Variants in ATL3 observed in about 807,000 individuals in gnomAD.
The protein encoded by ATL3 is atlastin-3.
In ATL3, 49 loss-of-function variants were observed where a neutral mutation model predicts 69.5. The ratio of observed to expected loss-of-function variants is 0.71; its 90% confidence interval spans 0.56 to 0.89. The LOEUF (loss-of-function observed/expected upper bound fraction) is 0.89, where lower values mean the gene tolerates loss of function less well. Among genes scored for constraint, ATL3 ranks in the 40% least tolerant of loss-of-function variants. The pLI, the probability that ATL3 is intolerant of heterozygous loss-of-function variation, is 0.00. For synonymous variants in ATL3, 214 were observed against 224.1 expected, an observed-to-expected ratio of 0.95 and a Z score of 0.40; for missense variants, 606 against 645.7, an observed-to-expected ratio of 0.94 and a Z score of 0.67.
intron 3 of ATL3, among the ~76,000 whole-genome samples, chr11:63,654,732 C>T (rs1320361216): frequency 2.9e-5 from 4 of 136,862 alleles, no homozygotes; most frequent in East Asian, 4.3e-4. Context: ...GAGTTTTGCT[C>T]GTCACCCAGG....
At chr11:63,629,750 G>A (rs1179091906) in intron 12 of ATL3, among the ~76,000 whole-genome samples, 1 of 152,228 alleles carries the variant, frequency 6.6e-6, no homozygotes, top group Admixed American at 6.5e-5. Flanking sequence ...TTAGTCAGGT[G>A]TGGTGGCACT....
At chr11:63,660,629 G>A (rs1940391389) in intron 1 of ATL3, among the ~76,000 whole-genome samples, 1 of 152,094 alleles carries the variant, frequency 6.6e-6, no homozygotes, top group Admixed American at 6.6e-5. Flanking sequence ...GTTGAGCTGG[G>A]CATGGTGGCT....
chr11:63,669,015 G>C (rs983300077), intron 1 of ATL3, among the ~76,000 whole-genome samples: 17 of 89,514 alleles, frequency 1.9e-4, no homozygotes, highest in African/African-American at 6.1e-4. Flanking sequence ...TTTTTTGGGT[G>C]GGGGGGGGCG....
rs1939888427 is a variant in ATL3 at position 63,646,574 on chromosome 11, G to C, written c.562-11C>G. 6.3e-7 allele frequency: 1 copy of C among 1,591,750 alleles called. No homozygotes were observed. The highest frequency in any genetic ancestry group is 8.5e-7 in the Non-Finnish European group (1 of 1,170,070). Reference sequence around the variant, plus strand: ...GTATTCTGTGAAGAGCTTTAAAAAAGAAGCATTATGGTTTGTAAAGCAAAA... The same window carrying C: ...GTATTCTGTGAAGAGCTTTAAAAAACAAGCATTATGGTTTGTAAAGCAAAA... On this transcript the variant is annotated splice_polypyrimidine_tract_variant and intron_variant, in intron 5 of 12. Coordinates refer to ENST00000398868, the MANE Select transcript of ATL3 (RefSeq NM_015459.5).
chr11:63,670,081 G>A (rs1449709272), intron 1 of ATL3, among the ~76,000 whole-genome samples: 2 of 152,096 alleles, frequency 1.3e-5, no homozygotes, highest in Non-Finnish European at 2.9e-5. Flanking sequence ...ACTCCAGCCT[G>A]GGTGACCAGA....
intron 6 of ATL3, among the ~76,000 whole-genome samples, chr11:63,645,311 C>T (rs1939834320): frequency 6.6e-6 from 1 of 151,638 alleles, no homozygotes; most frequent in African/African-American, 2.4e-5. Context: ...AGGAGAATTG[C>T]TTGAACCTGG....
chr11:63,647,297 G>T (rs950839455), intron 5 of ATL3, among the ~76,000 whole-genome samples: 1 of 152,184 alleles, frequency 6.6e-6, no homozygotes, highest in Non-Finnish European at 1.5e-5. Flanking sequence ...GGGTTCAAGC[G>T]ATTCTCCTGC....
At chr11:63,653,523 C>A (rs1940144932) in intron 3 of ATL3, among the ~76,000 whole-genome samples, 1 of 151,540 alleles carries the variant, frequency 6.6e-6, no homozygotes, top group Non-Finnish European at 1.5e-5. Context: ...ACTTATGTCT[C>A]AACAAAAACC....
At chr11:63,644,361 G>C (rs1939797236) in intron 6 of ATL3, 100 bp from the exon 7 acceptor site, 2 of 706,250 alleles carry the variant, frequency 2.8e-6, no homozygotes, top group Non-Finnish European at 4.9e-6. Context: ...TCTACAAAGG[G>C]GGTAAAGTAG....
chr11:63,652,781 G>A (rs1940121268), intron 3 of ATL3, among the ~76,000 whole-genome samples: 1 of 152,172 alleles, frequency 6.6e-6, no homozygotes, highest in Non-Finnish European at 1.5e-5. Context: ...GCGTTATACA[G>A]AGCAATATGG....
chr11:63,650,089 A>G (rs1421367790), intron 5 of ATL3, among the ~76,000 whole-genome samples: 1 of 152,040 alleles, frequency 6.6e-6, no homozygotes, highest in African/African-American at 2.4e-5. Flanking sequence ...ATTTCACAAC[A>G]ATTCTGTCAA....
intron 11 of ATL3, 167 bp downstream of exon 11, chr11:63,632,859 C>G (rs1939369728): frequency 2.6e-6 from 2 of 767,970 alleles, no homozygotes; most frequent in Non-Finnish European, 4.3e-6. Context: ...AACAAACAAA[C>G]AAAGAAATGG....
rs746968547 is a variant in ATL3, at chr11:63,631,307, T to C, written c.1272A>G (p.Leu424=). The C allele has an allele frequency of 2.5e-6, 4 of 1,614,200 alleles. No homozygotes were observed. The highest frequency in any genetic ancestry group is 1.1e-5 in the South Asian group (1 of 91,084). The change falls in exon 12 of 13, where the codon TTA becomes TTG. Residue 424 remains leucine (L), a synonymous_variant. Coordinates refer to ENST00000398868, the MANE Select transcript of ATL3 (RefSeq NM_015459.5). ...QQELEEEIKE[L]YENFCKHNGS... The stretch of plus-strand genomic sequence containing the variant: ...CATTGTGCTTGCAGAAGTTCTCATA[T>C]AATTCCTTGATTTCCTCCTCCAGCT...
chr11:63,665,750 T>G (rs889759847), intron 1 of ATL3, among the ~76,000 whole-genome samples: 1 of 151,746 alleles, frequency 6.6e-6, no homozygotes, highest in Non-Finnish European at 1.5e-5. Context: ...TTAACCAGGC[T>G]TGGTGGTAAC....
At chr11:63,660,516 T>C (rs1354444321) in intron 1 of ATL3, among the ~76,000 whole-genome samples, 2 of 152,152 alleles carry the variant, frequency 1.3e-5, no homozygotes, top group Admixed American at 1.3e-4. Context: ...TTTGGCTGTA[T>C]CTACAAAAAT....
intron 11 of ATL3, chr11:63,632,385 T>C: frequency 1.1e-6 from 1 of 897,794 alleles, no homozygotes; most frequent in Non-Finnish European, 1.9e-6. Context: ...TTGCACAAAA[T>C]CTTAGTCGAC....
chr11:63,646,499 A>G lies in ATL3; in HGVS notation c.618+8T>C. On this transcript the variant is annotated splice_region_variant and intron_variant, in intron 6 of 12. Transcript: ENST00000398868. ...GGTATGAATTATATTTAAAATAAAT[A>G]TTCTAACCTGGAAAGGCTTTTGGAA... 1 of 1,399,064 alleles carries G rather than the reference A, an allele frequency of 7.1e-7. No individual in the cohort carries two copies. Among genetic ancestry groups the G allele is most frequent in the Non-Finnish European group, 1.0e-6 (1 of 1,003,836 alleles). The allele number at this position is 1,399,064 out of a possible 1,614,324, so 86.7% of individuals were successfully genotyped here. A position where few individuals can be genotyped will look rare whatever the true frequency, so the allele number is the denominator to read the frequency against.
At chr11:63,648,606 C>T (rs975737548) in intron 5 of ATL3, among the ~76,000 whole-genome samples, 9 of 152,122 alleles carry the variant, frequency 5.9e-5, no homozygotes, top group African/African-American at 1.7e-4. Context: ...GTCAGGAGTT[C>T]GAGACCAGCC....
chr11:63,650,296 C>T (rs1337575408), intron 5 of ATL3, among the ~76,000 whole-genome samples: 1 of 152,056 alleles, frequency 6.6e-6, no homozygotes, highest in Non-Finnish European at 1.5e-5. Flanking sequence ...TTTTATATGC[C>T]TCATACAATT....
Sources: allele counts gnomAD v4.1 joint callset (sites outside exome capture counted in the v4.1 genomes callset), GRCh38; gene constraint gnomAD v4.1.1; transcripts MANE v1.5; gene names NCBI Gene and HGNC (gene_info 2026-07-23, HGNC 2026-07-21).